FLT1: variants seen among roughly 807,000 people sequenced by gnomAD.
The protein encoded by FLT1 is vascular endothelial growth factor receptor 1.
A neutral mutation model predicts 156.3 loss-of-function variants in FLT1; 49 were observed. The observed-to-expected ratio is 0.31, with a 90% CI of 0.25 to 0.40. FLT1 has a LOEUF of 0.40. Among genes scored for constraint, FLT1 ranks in the 10% least tolerant of loss-of-function variants. FLT1 has a pLI of 1.00. For missense variants in FLT1, 1,322 were observed against 1,637.2 expected (o/e 0.81, Z 3.32); for synonymous variants, 594 against 583.8 (o/e 1.02, Z -0.25).
intron 1 of FLT1, among the ~76,000 whole-genome samples, chr13:28,489,892 G>C (rs540145138): frequency 3.4e-4 from 52 of 152,300 alleles, no homozygotes; most frequent in Non-Finnish European, 6.9e-4. Context: ...CCATCATTTT[G>C]ATTCTTAGTT....
At chr13:28,321,362 G>A in intron 23 of FLT1, 101 bp downstream of exon 23, 6 of 1,418,380 alleles carry the variant, frequency 4.2e-6, no homozygotes, top group South Asian at 1.2e-5. Context: ...GCCAATGATG[G>A]TTTTCAGGGA....
At chr13:28,339,690 A>G (rs1032494095) in intron 16 of FLT1, among the ~76,000 whole-genome samples, 4 of 152,210 alleles carry the variant, frequency 2.6e-5, no homozygotes, top group African/African-American at 9.6e-5. Flanking sequence ...ATCTTGTATA[A>G]GCAGGAATAT....
Position 28,322,370 on chromosome 13 carries a change from T to A in FLT1, c.2954-11A>T. 6.4e-7 allele frequency: 1 copy of A among 1,562,284 alleles called. No homozygotes were observed. Among genetic ancestry groups the A allele is most frequent in the South Asian group, 1.1e-5 (1 of 90,086 alleles). ...AGAAACCGTCAGAATCTGGAAAGCA[T>A]TAGAACCGTAACTGTTTGTAATGGC... On this transcript the variant is annotated splice_polypyrimidine_tract_variant and intron_variant, in intron 21 of 29. Transcript: ENST00000282397. This position sits in a 1 kb window ranked among gnomAD's most constrained non-coding sequence, Gnocchi z 4.3.
intron 24 of FLT1, among the ~76,000 whole-genome samples, chr13:28,318,271 G>A (rs1421651553): frequency 1.3e-5 from 2 of 152,138 alleles, no homozygotes; most frequent in African/African-American, 2.4e-5. Context: ...TGAGGGAAGG[G>A]GGGCTTTGCG....
intron 14 of FLT1, among the ~76,000 whole-genome samples, chr13:28,380,460 A>G (rs1353513842): frequency 2.0e-5 from 3 of 152,208 alleles, no homozygotes; most frequent in Non-Finnish European, 4.4e-5. Flanking sequence ...AAATTAAGAA[A>G]GCCCTTTCCT....
chr13:28,351,125 A>G (rs1207957632), intron 15 of FLT1, among the ~76,000 whole-genome samples: 2 of 152,004 alleles, frequency 1.3e-5, no homozygotes, highest in Admixed American at 1.3e-4. Context: ...TTTCTGAAAC[A>G]AATCAGATTT....
At position 28,448,887 on chromosome 13, in the gene FLT1, A is replaced by T. The variant is rs1471875838; in HGVS notation, c.389-10542T>A. ...CCCAGGGTAAACTCCTCACCTTATG[A>T]GTCTTTGCAGCATTTCTCTCCCATT... On this transcript the variant is annotated intron_variant, in intron 3 of 29. Transcript: ENST00000282397. Among the ~76,000 whole-genome samples the T allele has an allele frequency of 2.0e-5, 3 of 152,194 alleles. No individual in the cohort carries two copies. The East Asian group carries it at 5.8e-4, about 29-fold the overall frequency.
chr13:28,320,541 G>A (rs926070281), intron 23 of FLT1, among the ~76,000 whole-genome samples: 3 of 148,286 alleles, frequency 2.0e-5, no homozygotes, highest in Admixed American at 2.0e-4. Context: ...AGATTTGTTT[G>A]CATTTTTTTT....
rs752560705 is a variant in FLT1, at chr13:28,357,612, G to A, written c.2190C>T (p.His730=). 6.2e-7 allele frequency: 1 copy of A among 1,613,652 alleles called. No individual in the cohort carries two copies. The highest frequency in any genetic ancestry group is 1.1e-5 in the South Asian group (1 of 91,070). The part of the protein sequence containing the change: ...RVTEEDEGVY[H]CKATNQKGSV... ...AGCCCTTCTGGTTGGTGGCTTTGCA[G>A]TGATAGACACCTTCATCCTCTTCTG... Residue 730 remains histidine, a synonymous_variant, in exon 15 of 30, where the codon CAC becomes CAT. Coordinates refer to ENST00000282397, the MANE Select transcript of FLT1 (RefSeq NM_002019.4).
chr13:28,312,191 G>A (rs1184517838), intron 25 of FLT1, 93 bp from the exon 26 acceptor site: 7 of 825,666 alleles, frequency 8.5e-6, no homozygotes, highest in East Asian at 4.9e-5. Flanking sequence ...GTCATCATCC[G>A]CATAAAGCCC....
intron 29 of FLT1, among the ~76,000 whole-genome samples, chr13:28,305,858 G>A (rs1224408173): frequency 1.3e-5 from 2 of 152,104 alleles, no homozygotes; most frequent in South Asian, 2.1e-4. Flanking sequence ...TTCCATTGTG[G>A]CCCAGGGAAG....
Position 28,494,900 on chromosome 13 carries a change from C to A in FLT1, c.-57G>T. On this transcript the variant is annotated 5_prime_UTR_variant, in exon 1 of 30. Transcript: ENST00000282397. Reference sequence around the variant, plus strand: ...CCCGCGCTCCCCGCGGCCAACGACCCGGCCGCCAGAGTCCGTCCTCTCGTT... The same window carrying A: ...CCCGCGCTCCCCGCGGCCAACGACCAGGCCGCCAGAGTCCGTCCTCTCGTT... 7.1e-7 allele frequency: 1 copy of A among 1,412,454 alleles called. No homozygotes were observed. Among genetic ancestry groups the A allele is most frequent in the Non-Finnish European group, 9.5e-7 (1 of 1,052,034 alleles). The allele number at this position is 1,412,454 out of a possible 1,614,324, so 87.5% of individuals were successfully genotyped here.
chr13:28,384,496 T>C (rs945370175), intron 14 of FLT1, among the ~76,000 whole-genome samples: 2 of 150,822 alleles, frequency 1.3e-5, no homozygotes, highest in African/African-American at 4.9e-5. Flanking sequence ...ATTATAAATC[T>C]ACTTTTCTGA....
At chr13:28,446,928 G>C (rs960237988) in intron 3 of FLT1, among the ~76,000 whole-genome samples, 1 of 152,076 alleles carries the variant, frequency 6.6e-6, no homozygotes, top group Non-Finnish European at 1.5e-5. Context: ...AGACAGTGTG[G>C]TGCTGGCACA....
intron 1 of FLT1, among the ~76,000 whole-genome samples, chr13:28,468,381 T>C (rs963487985): frequency 6.6e-6 from 1 of 152,242 alleles, no homozygotes; most frequent in Non-Finnish European, 1.5e-5. Context: ...CATCTCCATA[T>C]GATGCAATAA....
intron 24 of FLT1, 46 bp from the exon 25 acceptor site, chr13:28,317,643 G>T: frequency 8.1e-7 from 1 of 1,238,862 alleles, no homozygotes; most frequent in Non-Finnish European, 1.2e-6. Flanking sequence ...ATGGCTTAAG[G>T]GTACAAAAGA....
chr13:28,412,377 T>TTTCTTTCTTTCTTTCTTTCCTTCC (rs1876319400), intron 10 of FLT1, among the ~76,000 whole-genome samples: 3 of 120,652 alleles, frequency 2.5e-5, no homozygotes, highest in Admixed American at 8.7e-5. Flanking sequence ...TCTTTCTTTC[T>TTTCTTTCTTTCTTTCTTTCCTTCC]TTCTTTCTTT....
Position 28,302,985 on chromosome 13 carries a change from A to C in FLT1, c.*182T>G. 5.0e-6 allele frequency: 3 copies of C among 603,428 alleles called. No individual in the cohort carries two copies. In the East Asian group the frequency reaches 8.3e-5, roughly 17 times the overall value. The allele number at this position is 603,428 out of a possible 1,614,324, so 37.4% of individuals were successfully genotyped here. A position where few individuals can be genotyped will look rare whatever the true frequency, so the allele number is the denominator to read the frequency against. On this transcript the variant is annotated 3_prime_UTR_variant, in exon 30 of 30. Transcript: ENST00000282397. ...GTTCTTCACTTGTCACTATTTCTCT[A>C]TCTGGAGTTACATTCTTGTTAGTCA...
At chr13:28,363,701 C>T (rs1873190420) in intron 14 of FLT1, among the ~76,000 whole-genome samples, 1 of 151,812 alleles carries the variant, frequency 6.6e-6, no homozygotes, top group African/African-American at 2.4e-5. Context: ...GCAACCTTTG[C>T]CTCCTGGGTT....
Sources: gnomAD v4.1 joint callset for allele counts (sites outside exome capture counted in the v4.1 genomes callset) on GRCh38, gnomAD v4.1.1 for gene constraint, Gnocchi (gnomAD v3.1) non-coding constraint, MANE v1.5 for transcripts, NCBI Gene and HGNC (gene_info 2026-07-23, HGNC 2026-07-21) for gene names.